The following EPHA5 variants were observed in gnomAD, a reference collection of about 807,000 sequenced individuals.
EPHA5 encodes the protein ephrin type-A receptor 5.
A neutral mutation model predicts 105.0 loss-of-function variants in EPHA5; 60 were observed. The ratio of observed to expected loss-of-function variants is 0.57; its 90% CI spans 0.46 to 0.71. The LOEUF (loss-of-function observed/expected upper bound fraction) is 0.71. Ranked by LOEUF, EPHA5 falls within the 30% of genes least tolerant of loss-of-function variation. EPHA5 has a pLI of 0.00. For missense variants in EPHA5, 1,218 were observed against 1,274.7 expected (o/e 0.96, Z 0.68); for synonymous variants, 513 against 449.1 (o/e 1.14, Z -1.80).
intron 6 of EPHA5, among the ~76,000 whole-genome samples, chr4:65,419,044 C>T (rs1723684896): frequency 6.6e-6 from 1 of 151,330 alleles, no homozygotes; most frequent in African/African-American, 2.4e-5. Context: ...CTACCACACC[C>T]AGCTAATTTT....
chr4:65,531,716 A>G (rs890348858), intron 3 of EPHA5, among the ~76,000 whole-genome samples: 1 of 151,320 alleles, frequency 6.6e-6, no homozygotes, highest in Non-Finnish European at 1.5e-5. Flanking sequence ...TGATCCAGGA[A>G]TCTGATCATA....
intron 5 of EPHA5, among the ~76,000 whole-genome samples, chr4:65,472,718 G>A (rs937561741): frequency 2.6e-5 from 4 of 152,114 alleles, no homozygotes; most frequent in African/African-American, 9.7e-5. Flanking sequence ...ACAGAGCAGG[G>A]GCCCCTGGGC....
chr4:65,503,685 TC>T (rs1415962539), intron 3 of EPHA5, among the ~76,000 whole-genome samples: 1 of 151,740 alleles, frequency 6.6e-6, no homozygotes, highest in East Asian at 1.9e-4. Flanking sequence ...ATGTAATAAA[TC>T]AGAATTTCCT....
intron 1 of EPHA5, among the ~76,000 whole-genome samples, chr4:65,669,231 C>T (rs1323681086): frequency 6.6e-6 from 1 of 152,020 alleles, no homozygotes; most frequent in Non-Finnish European, 1.5e-5. Flanking sequence ...TGAGGCCCAG[C>T]CGCACCCATC....
chr4:65,387,572 TA>T (rs958361105), intron 8 of EPHA5, among the ~76,000 whole-genome samples: 3 of 151,304 alleles, frequency 2.0e-5, no homozygotes, highest in African/African-American at 7.3e-5. Flanking sequence ...CATTAAGCCT[TA>T]AAAAAAAGCC....
intron 4 of EPHA5, among the ~76,000 whole-genome samples, chr4:65,494,410 T>A (rs1317288655): frequency 6.6e-6 from 1 of 152,168 alleles, no homozygotes; most frequent in Non-Finnish European, 1.5e-5. Context: ...CCTAAAATAG[T>A]AAATCCAGGC....
chr4:65,501,177 T>C (rs1732451390), intron 3 of EPHA5, among the ~76,000 whole-genome samples: 1 of 151,532 alleles, frequency 6.6e-6, no homozygotes, highest in Non-Finnish European at 1.5e-5. Flanking sequence ...ATATTTTATA[T>C]AGTATAAATA....
At chr4:65,583,720 T>G (rs1332172780) in intron 3 of EPHA5, among the ~76,000 whole-genome samples, 4 of 151,736 alleles carry the variant, frequency 2.6e-5, no homozygotes, top group Non-Finnish European at 3.0e-5. Context: ...TTATCACCCT[T>G]CAGAATACGT....
chr4:65,333,266 C>T (rs1223286528), intron 15 of EPHA5, among the ~76,000 whole-genome samples: 1 of 151,616 alleles, frequency 6.6e-6, no homozygotes, highest in Non-Finnish European at 1.5e-5. Flanking sequence ...AAATACCTTT[C>T]TCTCTACTCA....
intron 8 of EPHA5, among the ~76,000 whole-genome samples, chr4:65,371,619 T>C (rs1012178767): frequency 6.6e-6 from 1 of 152,028 alleles, no homozygotes; most frequent in Non-Finnish European, 1.5e-5. Context: ...GGGATATGAA[T>C]GTCAAGAATT....
chr4:65,459,709 C>T (rs547437170), intron 5 of EPHA5, among the ~76,000 whole-genome samples: 1 of 151,602 alleles, frequency 6.6e-6, no homozygotes, highest in Non-Finnish European at 1.5e-5. Flanking sequence ...AACATGGAAA[C>T]AATAAAATGA....
intron 7 of EPHA5, 78 bp from the exon 8 acceptor site, chr4:65,404,557 G>T: frequency 8.1e-7 from 1 of 1,235,252 alleles, no homozygotes; most frequent in Non-Finnish European, 1.2e-6. Context: ...TTAATAGACA[G>T]TAATCAATTC....
At chr4:65,650,391 CAAA>C (rs11345574) in intron 1 of EPHA5, among the ~76,000 whole-genome samples, 48,967 of 136,888 alleles carry the variant, frequency 0.36, 8,603 homozygotes, top group East Asian at 0.49. Context: ...ACTAAACATA[CAAA>C]AAAAAAAAAA....
chr4:65,669,530 G>T (rs930227195), intron 1 of EPHA5, 32 bp downstream of exon 1: 14 of 1,351,976 alleles, frequency 1.0e-5, no homozygotes, highest in Non-Finnish European at 1.3e-5. Flanking sequence ...CTCCGCCCCA[G>T]GTCGCCACGG....
intron 15 of EPHA5, among the ~76,000 whole-genome samples, chr4:65,333,517 G>A (rs1014508111): frequency 1.4e-5 from 2 of 139,276 alleles, no homozygotes; most frequent in African/African-American, 5.4e-5. Context: ...AATTGTGTGC[G>A]TGTGCGTGTG....
At chr4:65,477,941 T>C (rs946570769) in intron 5 of EPHA5, among the ~76,000 whole-genome samples, 6 of 152,174 alleles carry the variant, frequency 3.9e-5, no homozygotes, top group Non-Finnish European at 8.8e-5. Context: ...GGTGAGTCTC[T>C]GGCAAGACTC....
In EPHA5 at chr4:65,580,151, T is replaced by A. The variant is rs986853747; in HGVS notation, c.910+21490A>T. ...TAGTCACTTTTTGAAAGAAAAAAAA[T>A]TTGCTTTCAGTATTTACTTAAAACT... On this transcript the variant is annotated intron_variant, in intron 3 of 16. Transcript: ENST00000613740. 2.6e-5 allele frequency among the ~76,000 whole-genome samples: 4 copies of A among 151,724 alleles called. No individual in the cohort carries two copies. In the South Asian group the frequency reaches 6.2e-4, roughly 24 times the overall value.
chr4:65,612,818 T>C (rs1744898348), intron 2 of EPHA5, among the ~76,000 whole-genome samples: 1 of 152,138 alleles, frequency 6.6e-6, no homozygotes. Context: ...TTTCCATTCT[T>C]CAAGTTGTCT....
At chr4:65,538,308 T>C (rs1736487394) in intron 3 of EPHA5, among the ~76,000 whole-genome samples, 1 of 151,848 alleles carries the variant, frequency 6.6e-6, no homozygotes, top group African/African-American at 2.4e-5. Flanking sequence ...AAAATAGTTC[T>C]GGGAGCACCA....
Sources: allele counts gnomAD v4.1 joint callset (sites outside exome capture counted in the v4.1 genomes callset), GRCh38; gene constraint gnomAD v4.1.1; transcripts MANE v1.5; gene names NCBI Gene and HGNC (gene_info 2026-07-23, HGNC 2026-07-21).